The following ADARB2 variants were observed in gnomAD, a reference collection of about 807,000 sequenced individuals.
ADARB2 encodes adenosine deaminase RNA specific B2 (inactive).
Under a neutral mutation model 62.2 loss-of-function variants are expected in ADARB2, and 25 were observed. That is an observed-to-expected ratio of 0.40 (90% CI 0.29 to 0.56). ADARB2 has a LOEUF of 0.56. ADARB2 is among the 20% of genes least tolerant of loss of function. ADARB2 has a pLI of 0.43. For missense variants in ADARB2, 1,071 were observed against 1,077.4 expected, an observed-to-expected ratio of 0.99 and a Z score of 0.08; for synonymous variants, 572 against 500.8, an observed-to-expected ratio of 1.14 and a Z score of -1.90.
In ADARB2 at chr10:1,259,438, T is replaced by G. The variant is rs574748497; in HGVS notation, c.1192+11517A>C. On this transcript the variant is annotated intron_variant, in intron 4 of 9. Transcript: ENST00000381312. The stretch of plus-strand genomic sequence containing the variant: ...AAGAAGAAAAGAGAGAAGAATCAAA[T>G]AGATGCAATAAAAAATGATAAAGGG... Among the ~76,000 whole-genome samples, 5 of 152,136 alleles carry G rather than the reference T, an allele frequency of 3.3e-5. No homozygotes were observed. In the South Asian group the frequency reaches 6.2e-4, roughly 19 times the overall value.
At chr10:1,405,697 T>C (rs1280471655) in intron 1 of ADARB2, among the ~76,000 whole-genome samples, 2 of 151,972 alleles carry the variant, frequency 1.3e-5, no homozygotes, top group African/African-American at 4.8e-5. Flanking sequence ...CACCCACATC[T>C]TTACAATGTA....
At chr10:1,566,063 CAAAAAAAAAAAA>C (rs376967105) in intron 1 of ADARB2, among the ~76,000 whole-genome samples, 2,242 of 128,022 alleles carry the variant, frequency 0.018, 104 homozygotes, top group Middle Eastern at 0.024. Flanking sequence ...CTCAGTCTAG[CAAAAAAAAAAAA>C]AAAAAAAAAA....
intron 4 of ADARB2, among the ~76,000 whole-genome samples, chr10:1,262,286 G>GTATAAT (rs1217341328): frequency 2.7e-5 from 1 of 36,590 alleles, no homozygotes; most frequent in African/African-American, 1.3e-4. Flanking sequence ...AAAACTTAAA[G>GTATAAT]TATAATAATA....
At chr10:1,401,229 G>A (rs1288803256) in intron 1 of ADARB2, among the ~76,000 whole-genome samples, 3 of 152,198 alleles carry the variant, frequency 2.0e-5, no homozygotes, top group African/African-American at 7.2e-5. Context: ...CAGCCGGGTG[G>A]GGGACGGCCC....
chr10:1,369,776 T>C (rs576703125), intron 2 of ADARB2, among the ~76,000 whole-genome samples: 1 of 152,360 alleles, frequency 6.6e-6, no homozygotes, highest in East Asian at 1.9e-4. Flanking sequence ...ATCCCCTCTG[T>C]CTCTGATCCC....
At chr10:1,673,511 T>C (rs540925105) in intron 1 of ADARB2, among the ~76,000 whole-genome samples, 37 of 152,336 alleles carry the variant, frequency 2.4e-4, no homozygotes, top group South Asian at 1.5e-3. Flanking sequence ...ATGATTTCTT[T>C]ACTTTCTAGT....
intron 1 of ADARB2, among the ~76,000 whole-genome samples, chr10:1,607,316 T>C (rs951660912): frequency 3.9e-5 from 6 of 152,184 alleles, no homozygotes; most frequent in Non-Finnish European, 8.8e-5. Flanking sequence ...CCCGGTTCTC[T>C]GTCACTTGTT....
chr10:1,298,934 G>A (rs1434802371), intron 3 of ADARB2, among the ~76,000 whole-genome samples: 1 of 151,038 alleles, frequency 6.6e-6, no homozygotes, highest in Non-Finnish European at 1.5e-5. Flanking sequence ...TTGTAGAGAT[G>A]GGGTTTCACT....
intron 1 of ADARB2, among the ~76,000 whole-genome samples, chr10:1,562,549 G>T (rs921289381): frequency 1.3e-5 from 2 of 152,186 alleles, no homozygotes; most frequent in Non-Finnish European, 2.9e-5. Context: ...TGCCAGTTAC[G>T]ATCTGTAATC....
intron 3 of ADARB2, among the ~76,000 whole-genome samples, chr10:1,320,518 C>T: frequency 6.6e-6 from 1 of 152,324 alleles, no homozygotes; most frequent in African/African-American, 2.4e-5. Flanking sequence ...AAAGTGCCCC[C>T]TCTCAGGCTA....
chr10:1,533,288 C>CA (rs1554769144), intron 1 of ADARB2, among the ~76,000 whole-genome samples: 13 of 142,614 alleles, frequency 9.1e-5, no homozygotes, highest in African/African-American at 3.4e-4. Context: ...CTGGCTCATT[C>CA]TTTTTTTTTT....
intron 1 of ADARB2, among the ~76,000 whole-genome samples, chr10:1,402,615 G>T (rs975304950): frequency 2.6e-5 from 4 of 152,130 alleles, no homozygotes; most frequent in African/African-American, 9.7e-5. Context: ...GTCGGAGGCG[G>T]CCCCACTTCA....
rs1837106761 is a variant in ADARB2, at chr10:1,208,998, CT to C, written c.1682+7952del. On this transcript the variant is annotated intron_variant, in intron 7 of 9. Coordinates refer to ENST00000381312, the MANE Select transcript of ADARB2 (RefSeq NM_018702.4). ...CCAGTAAACAGGCTCAGGGTATCCT[CT>C]TGTGGTTCATCGTGGGTCCCCAGAT... 6.6e-5 allele frequency among the ~76,000 whole-genome samples: 10 copies of C among 152,292 alleles called. No individual in the cohort carries two copies. In the South Asian group the frequency reaches 2.1e-3, roughly 32 times the overall value.
At position 1,275,522 on chromosome 10, in the gene ADARB2, TTTA is replaced by T. The variant is rs1831307228; in HGVS notation, c.1078-4456_1078-4454del. On this transcript the variant is annotated intron_variant, in intron 3 of 9. Coordinates refer to ENST00000381312, the MANE Select transcript of ADARB2 (RefSeq NM_018702.4). ...TCTTTCTTTCCTTCTTTTCTTTTTT[TTTA>T]ATTTAAGTTTTAGGGTACATGTGCA... is the stretch of plus-strand genomic sequence containing the variant. Among the ~76,000 whole-genome samples the T allele has an allele frequency of 5.3e-5, 8 of 151,714 alleles. No homozygotes were observed. The South Asian group carries it at 8.3e-4, about 16-fold the overall frequency.
chr10:1,284,850 G>A (rs925252746), intron 3 of ADARB2, among the ~76,000 whole-genome samples: 1 of 152,088 alleles, frequency 6.6e-6, no homozygotes, highest in Non-Finnish European at 1.5e-5. Flanking sequence ...TCCTTGAGTG[G>A]GAGAGGAAGG....
rs1564353091 is a variant in ADARB2, at chr10:1,633,566, AT to A, written c.100+103484del. ...CTATCTATCATCTATCTATCTATCT[AT>A]CTATCTATCTATCTATCTATCTATC... is the stretch of plus-strand genomic sequence containing the variant. On this transcript the variant is annotated intron_variant, in intron 1 of 9. Transcript: ENST00000381312. Among the ~76,000 whole-genome samples, 30 of 147,582 alleles carry A rather than the reference AT, an allele frequency of 2.0e-4. 1 individual carries two copies. The highest frequency in any genetic ancestry group is 7.3e-4 in the African/African-American group (29 of 39,772).
chr10:1,528,815 G>A (rs1832181719), intron 1 of ADARB2, among the ~76,000 whole-genome samples: 1 of 152,226 alleles, frequency 6.6e-6, no homozygotes, highest in South Asian at 2.1e-4. Flanking sequence ...GTTGACACCA[G>A]CAGAATGTGT....
At chr10:1,341,159 C>T (rs1195333302) in intron 3 of ADARB2, among the ~76,000 whole-genome samples, 1 of 151,984 alleles carries the variant, frequency 6.6e-6, no homozygotes, top group Non-Finnish European at 1.5e-5. Flanking sequence ...TGATAACCAG[C>T]ATCCACCAGA....
chr10:1,706,921 T>TTTCATTGGGCAGGAAGTAGGGG (rs1834897312), intron 1 of ADARB2, among the ~76,000 whole-genome samples: 1 of 151,916 alleles, frequency 6.6e-6, no homozygotes, highest in African/African-American at 2.4e-5. Flanking sequence ...GGAAGTAGGG[T>TTTCATTGGGCAGGAAGTAGGGG]TTCATTGGGC....
Sources: allele counts gnomAD v4.1 joint callset (sites outside exome capture counted in the v4.1 genomes callset), GRCh38; gene constraint gnomAD v4.1.1; transcripts MANE v1.5; gene names NCBI Gene and HGNC (gene_info 2026-07-23, HGNC 2026-07-21).